The following OSBPL6 variants were observed in gnomAD, a reference collection of about 807,000 sequenced individuals.
The protein encoded by OSBPL6 is oxysterol-binding protein-related protein 6.
A neutral mutation model predicts 125.8 loss-of-function variants in OSBPL6; 49 were observed. That is an observed-to-expected ratio of 0.39 (90% CI 0.31 to 0.49). The LOEUF (loss-of-function observed/expected upper bound fraction) is 0.49, where lower values mean the gene tolerates loss of function less well. Ranked by LOEUF, OSBPL6 falls within the 20% of genes least tolerant of loss-of-function variation. The pLI, the probability that OSBPL6 is intolerant of heterozygous loss-of-function variation, is 0.88. For missense variants in OSBPL6, 986 were observed against 1,135.4 expected (o/e 0.87, Z 1.89); for synonymous variants, 394 against 391.8 (o/e 1.01, Z -0.07).
intron 1 of OSBPL6, among the ~76,000 whole-genome samples, chr2:178,248,968 G>A (rs573505374): frequency 1.3e-5 from 2 of 151,710 alleles, no homozygotes; most frequent in East Asian, 3.9e-4. Flanking sequence ...ACAGAGTCTC[G>A]CTCTGATGCC....
chr2:178,204,046 GACAATCTCAC>G (rs1350017865), intron 1 of OSBPL6, among the ~76,000 whole-genome samples: 1 of 125,018 alleles, frequency 8.0e-6, no homozygotes, highest in Non-Finnish European at 1.6e-5. Context: ...TTTTTTTTGA[GACAATCTCAC>G]CCTGTTGCCT....
chr2:178,214,815 G>T (rs2090020393), intron 1 of OSBPL6, among the ~76,000 whole-genome samples: 1 of 151,978 alleles, frequency 6.6e-6, no homozygotes, highest in South Asian at 2.1e-4. Flanking sequence ...GCCAGGTATG[G>T]TGGCACGTGC....
intron 2 of OSBPL6, among the ~76,000 whole-genome samples, chr2:178,300,734 G>T (rs572102333): frequency 6.6e-6 from 1 of 152,304 alleles, no homozygotes; most frequent in African/African-American, 2.4e-5. Flanking sequence ...GGGATTACAG[G>T]CATGAGCTAC....
chr2:178,316,992 A>C (rs1687792003), intron 3 of OSBPL6, among the ~76,000 whole-genome samples: 1 of 152,120 alleles, frequency 6.6e-6, no homozygotes, highest in Non-Finnish European at 1.5e-5. Flanking sequence ...TATGCATTGA[A>C]AAAAAGCTGA....
intron 22 of OSBPL6, among the ~76,000 whole-genome samples, 177 bp downstream of exon 22, chr2:178,391,394 G>A (rs1445123847): frequency 1.3e-5 from 2 of 152,178 alleles, no homozygotes; most frequent in Non-Finnish European, 2.9e-5. Flanking sequence ...TTATACATAA[G>A]CCCCAATATT....
Position 178,285,079 on chromosome 2 carries a change from G to T in OSBPL6, c.-198G>T. The T allele has an allele frequency of 2.5e-6, 1 of 398,458 alleles. No individual in the cohort carries two copies. The highest frequency in any genetic ancestry group is 1.3e-4 in the South Asian group (1 of 7,830). 24.7% of individuals were successfully genotyped at this position (398,458 alleles called of 1,614,324 possible). A position where few individuals can be genotyped will look rare whatever the true frequency, so the allele number is the denominator to read the frequency against. On this transcript the variant is annotated 5_prime_UTR_variant, in exon 2 of 25. Transcript: ENST00000190611. The stretch of plus-strand genomic sequence containing the variant: ...GGATAAATCACTGTGAAACAGCTTT[G>T]ACCATAAAGCTGACTTGGAAGACTT...
intron 2 of OSBPL6, among the ~76,000 whole-genome samples, chr2:178,301,234 G>A (rs569822499): frequency 2.1e-4 from 32 of 152,064 alleles, no homozygotes; most frequent in African/African-American, 7.5e-4. Context: ...AATGAAAAGG[G>A]TCATTTTTAT....
intron 1 of OSBPL6, among the ~76,000 whole-genome samples, chr2:178,217,123 T>C (rs1475401563): frequency 6.6e-6 from 1 of 152,162 alleles, no homozygotes; most frequent in Non-Finnish European, 1.5e-5. Flanking sequence ...CATACTGGAA[T>C]ATACAGGAGT....
At chr2:178,388,987 T>G (rs1695176993) in intron 20 of OSBPL6, 22 bp from the exon 21 acceptor site, 2 of 1,607,430 alleles carry the variant, frequency 1.2e-6, no homozygotes, top group Non-Finnish European at 1.7e-6. Flanking sequence ...TTGTTTTTCA[T>G]CAGTGTTACA....
chr2:178,233,135 A>G (rs745598728), intron 1 of OSBPL6, among the ~76,000 whole-genome samples: 2 of 152,172 alleles, frequency 1.3e-5, no homozygotes, highest in Non-Finnish European at 2.9e-5. Flanking sequence ...TACCTTCAAA[A>G]CAGCTGATTC....
At position 178,339,106 on chromosome 2, in the gene OSBPL6, C is replaced by T. The variant is rs759739812; in HGVS notation, c.894+12C>T. 73 of 1,535,904 alleles carry T rather than the reference C, an allele frequency of 4.8e-5. 3 individuals are homozygous for T. In the South Asian group the frequency reaches 7.9e-4, roughly 17 times the overall value. On this transcript the variant is annotated intron_variant, in intron 10 of 24. Transcript: ENST00000190611. ...TTACTGACATGCAGGTAAACATATT[C>T]CTGCTGCTGGTAAAAGGACTTAGGG...
At chr2:178,385,403 G>A in intron 18 of OSBPL6, 55 bp from the exon 19 acceptor site, 3 of 1,224,080 alleles carry the variant, frequency 2.5e-6, no homozygotes, top group Non-Finnish European at 3.6e-6. Flanking sequence ...AGAAATGGAT[G>A]ACCATGTGGA....
chr2:178,359,253 G>A (rs1692100285), intron 12 of OSBPL6, among the ~76,000 whole-genome samples: 1 of 152,138 alleles, frequency 6.6e-6, no homozygotes, highest in Non-Finnish European at 1.5e-5. Flanking sequence ...AAGGATCTGA[G>A]TAGATACTTC....
chr2:178,392,598 A>G (rs534075363), intron 23 of OSBPL6, 60 bp downstream of exon 23: 7 of 1,580,358 alleles, frequency 4.4e-6, no homozygotes, highest in East Asian at 4.5e-5. Context: ...GCTCATGCCT[A>G]TAATCCCAGC....
chr2:178,395,327 A>G (rs1695763592), intron 24 of OSBPL6, 124 bp from the exon 25 acceptor site: 5 of 595,150 alleles, frequency 8.4e-6, no homozygotes, highest in Non-Finnish European at 1.5e-5. Flanking sequence ...AGTAGCTAGC[A>G]GATAAGATAC....
intron 1 of OSBPL6, among the ~76,000 whole-genome samples, chr2:178,255,354 CAGGGGAACTGCCCTTTTATAAA>C (rs1355512116): frequency 6.6e-6 from 1 of 152,156 alleles, no homozygotes; most frequent in African/African-American, 2.4e-5. Context: ...AGAGCGTGTG[CAGGGGAACTGCCCTTTTATAAA>C]ACCATCAGTT....
At chr2:178,218,965 T>C (rs1366003276) in intron 1 of OSBPL6, among the ~76,000 whole-genome samples, 2 of 152,072 alleles carry the variant, frequency 1.3e-5, no homozygotes, top group African/African-American at 4.8e-5. Flanking sequence ...AATTTTTACC[T>C]CTTGTACATA....
In OSBPL6 at chr2:178,392,544, G is replaced by C; in HGVS notation, c.2573+6G>C. The stretch of plus-strand genomic sequence containing the variant: ...CGGTTCCGGCCAGATCAAAGGTGAG[G>C]ATGGCAGTGGTATTTAATATGCAGA... On this transcript the variant is annotated splice_donor_region_variant and intron_variant, in intron 23 of 24. Transcript: ENST00000190611. The C allele has an allele frequency of 6.2e-7, 1 of 1,613,738 alleles. No homozygotes were observed. Among genetic ancestry groups the C allele is most frequent in the Non-Finnish European group, 8.5e-7 (1 of 1,179,872 alleles).
At chr2:178,381,416 C>T (rs761048660) in intron 15 of OSBPL6, among the ~76,000 whole-genome samples, 9 of 152,110 alleles carry the variant, frequency 5.9e-5, no homozygotes, top group South Asian at 2.1e-4. Context: ...TGCAATGTCA[C>T]GATCTCAGCT....
Sources: gnomAD v4.1 joint callset for allele counts (sites outside exome capture counted in the v4.1 genomes callset) on GRCh38, gnomAD v4.1.1 for gene constraint, MANE v1.5 for transcripts, NCBI Gene and HGNC (gene_info 2026-07-23, HGNC 2026-07-21) for gene names.